PCDHA10: variants seen among roughly 807,000 people sequenced by gnomAD.
The protein encoded by PCDHA10 is protocadherin alpha-10.
PCDHA10 carries 45 observed loss-of-function variants against 61.2 expected under a neutral mutation model. The observed-to-expected ratio is 0.74, with a 90% confidence interval of 0.58 to 0.94. PCDHA10 has a LOEUF of 0.94. PCDHA10 is among the 40% of genes least tolerant of loss of function. The probability of loss-of-function intolerance (pLI) is 0.00; values close to 1 mark genes in which losing one functional copy is unlikely to be tolerated. For synonymous variants in PCDHA10, 602 were observed against 548.8 expected, an observed-to-expected ratio of 1.10 and a Z score of -1.35; for missense variants, 1,278 against 1,236.2, an observed-to-expected ratio of 1.03 and a Z score of -0.51.
At chr5:140,862,566 T>C (rs1440139064) in intron 1 of PCDHA10, 1 of 478,068 alleles carries the variant, frequency 2.1e-6, no homozygotes, top group Non-Finnish European at 4.3e-6. Context: ...TGAACCACAA[T>C]GCCCTGGCGT....
intron 1 of PCDHA10, among the ~76,000 whole-genome samples, chr5:140,886,071 A>G (rs985861864): frequency 3.9e-5 from 6 of 152,338 alleles, no homozygotes; most frequent in South Asian, 2.1e-4. Context: ...GCGTAGGGCC[A>G]TACCACAACC....
At chr5:140,889,339 G>A (rs1554183871) in intron 1 of PCDHA10, among the ~76,000 whole-genome samples, 1 of 151,948 alleles carries the variant, frequency 6.6e-6, no homozygotes, top group Admixed American at 6.6e-5. Flanking sequence ...TTTGATTGGT[G>A]GGAATATTTC....
intron 1 of PCDHA10, among the ~76,000 whole-genome samples, chr5:140,951,667 C>T (rs180768474): frequency 6.6e-6 from 1 of 152,156 alleles, no homozygotes; most frequent in African/African-American, 2.4e-5. Context: ...GGCCTGCCTA[C>T]AAAATTGGGG....
At chr5:140,990,537 A>G (rs2097398813) in intron 3 of PCDHA10, among the ~76,000 whole-genome samples, 1 of 152,192 alleles carries the variant, frequency 6.6e-6, no homozygotes, top group Non-Finnish European at 1.5e-5. Flanking sequence ...TGTGCATCAT[A>G]GATACTGTAT....
At chr5:140,863,357 G>A (rs1320011614) in intron 1 of PCDHA10, 2 of 1,259,586 alleles carry the variant, frequency 1.6e-6, no homozygotes, top group South Asian at 1.2e-5. Context: ...ACGACGCTGC[G>A]GTGCTTGGCG....
At chr5:140,870,702 G>A in intron 1 of PCDHA10, 2 of 1,613,072 alleles carry the variant, frequency 1.2e-6, no homozygotes, top group African/African-American at 1.3e-5. Context: ...TACAGTTCCA[G>A]GTGAGCGCGC....
intron 1 of PCDHA10, among the ~76,000 whole-genome samples, chr5:140,964,252 T>C (rs569615423): frequency 4.6e-5 from 7 of 152,332 alleles, no homozygotes; most frequent in African/African-American, 1.7e-4. Context: ...GGCTTTATAT[T>C]TGACTCCTTA....
chr5:140,968,719 G>C lies in PCDHA10; in HGVS notation c.2389-10230G>C. The C allele has an allele frequency of 1.9e-6, 3 of 1,614,148 alleles. No homozygotes were observed. Among genetic ancestry groups the C allele is most frequent in the African/African-American group, 1.3e-5 (1 of 75,038 alleles). ...GGACTACCAGGAAGATGGGAGATGA[G>C]AGTGGTAGCACTTTCAACCTGACCG... On this transcript the variant is annotated intron_variant, in intron 1 of 3. Transcript: ENST00000307360.
At chr5:140,929,013 G>A in intron 1 of PCDHA10, 1 of 1,614,120 alleles carries the variant, frequency 6.2e-7, no homozygotes, top group South Asian at 1.1e-5. Context: ...GTACCAAGTT[G>A]CACCAGAGCC....
chr5:140,961,878 C>A (rs2095639757), intron 1 of PCDHA10, among the ~76,000 whole-genome samples: 1 of 150,888 alleles, frequency 6.6e-6, no homozygotes, highest in Non-Finnish European at 1.5e-5. Context: ...AATTGACTTA[C>A]TTACATCAGT....
At chr5:140,965,716 C>T (rs75761543) in intron 1 of PCDHA10, among the ~76,000 whole-genome samples, 2,507 of 152,272 alleles carry the variant, frequency 0.016, 70 homozygotes, top group African/African-American at 0.056. Flanking sequence ...AGAAGAATCT[C>T]TTTAAAAATT....
chr5:140,868,942 C>T (rs1238492263), intron 1 of PCDHA10: 6 of 1,256,058 alleles, frequency 4.8e-6, no homozygotes, highest in African/African-American at 1.5e-5. Context: ...TTGGTCTGAA[C>T]AGTGAGGCAC....
At chr5:140,870,554 A>C (rs1554164402) in intron 1 of PCDHA10, 1 of 1,614,044 alleles carries the variant, frequency 6.2e-7, no homozygotes, top group African/African-American at 1.3e-5. Context: ...GCGGACGCGC[A>C]GGAGAACGCG....
At chr5:140,902,206 T>TC (rs2069239214) in intron 1 of PCDHA10, among the ~76,000 whole-genome samples, 1 of 145,724 alleles carries the variant, frequency 6.9e-6, no homozygotes, top group South Asian at 2.1e-4. Flanking sequence ...TCTCTTTCTT[T>TC]TTTTTTTTTT....
At chr5:140,969,382 TC>T in intron 1 of PCDHA10, 1 of 1,597,954 alleles carries the variant, frequency 6.3e-7, no homozygotes, top group Non-Finnish European at 8.5e-7. Flanking sequence ...TTGTTACACA[TC>T]CCCCAATATC....
intron 1 of PCDHA10, among the ~76,000 whole-genome samples, chr5:140,959,145 A>C (rs2095470775): frequency 6.6e-6 from 1 of 152,030 alleles, no homozygotes; most frequent in Non-Finnish European, 1.5e-5. Flanking sequence ...GGGAGGCCAA[A>C]GTGGGCAGAT....
intron 1 of PCDHA10, chr5:140,927,642 T>A: frequency 6.2e-7 from 1 of 1,614,156 alleles, no homozygotes; most frequent in Non-Finnish European, 8.5e-7. Flanking sequence ...CCAATGGGAC[T>A]GTGTTATTCC....
At chr5:140,869,628 T>A (rs1562631338) in intron 1 of PCDHA10, 1 of 1,613,700 alleles carries the variant, frequency 6.2e-7, no homozygotes. Flanking sequence ...TAAGTAAAAA[T>A]GAGTATTTTT....
Position 140,951,565 on chromosome 5 carries a change from T to G in PCDHA10, c.2389-27384T>G, listed in dbSNP as rs151148481. Among the ~76,000 whole-genome samples the G allele has an allele frequency of 1.4e-3, 220 of 152,132 alleles. 1 individual carries two copies. Among genetic ancestry groups the G allele is most frequent in the African/African-American group, 4.9e-3 (203 of 41,508 alleles). ...GGACGGGGGGAAGTGCTACGCACTT[T>G]TAAACAACCAGATTTCACGAGATCT... On this transcript the variant is annotated intron_variant, in intron 1 of 3. Transcript: ENST00000307360.
Sources: gnomAD v4.1 joint callset for allele counts (sites outside exome capture counted in the v4.1 genomes callset) on GRCh38, gnomAD v4.1.1 for gene constraint, MANE v1.5 for transcripts, NCBI Gene and HGNC (gene_info 2026-07-23, HGNC 2026-07-21) for gene names.